The following GABBR2 variants were observed in gnomAD, a reference collection of about 807,000 sequenced individuals.
GABBR2 encodes gamma-aminobutyric acid type B receptor subunit 2.
GABBR2 carries 23 observed loss-of-function variants against 105.6 expected under a neutral mutation model. That is an observed-to-expected ratio of 0.22 (90% CI 0.16 to 0.31). The LOEUF (loss-of-function observed/expected upper bound fraction) is 0.31. GABBR2 is among the 10% of genes least tolerant of loss of function. GABBR2 has a pLI of 1.00. For missense variants in GABBR2, 734 were observed against 1,245.5 expected (o/e 0.59, Z 6.18); for synonymous variants, 478 against 499.7 (o/e 0.96, Z 0.58).
intron 3 of GABBR2, among the ~76,000 whole-genome samples, chr9:98,536,770 C>T (rs1828189945): frequency 6.6e-6 from 1 of 152,156 alleles, no homozygotes; most frequent in Non-Finnish European, 1.5e-5. Context: ...TCAATGTGCA[C>T]ACGGGTTACC....
intron 1 of GABBR2, among the ~76,000 whole-genome samples, chr9:98,641,551 A>G (rs1829962615): frequency 6.6e-6 from 1 of 152,140 alleles, no homozygotes; most frequent in Non-Finnish European, 1.5e-5. Flanking sequence ...TTTAGGACCT[A>G]AGTTATCCAA....
chr9:98,349,344 GTTTTGTTTTTTTTTT>G (rs1334399859), intron 13 of GABBR2, among the ~76,000 whole-genome samples: 7,738 of 105,394 alleles, frequency 0.073, 744 homozygotes, highest in Middle Eastern at 0.12. Context: ...TTTTGTTGAA[GTTTTGTTTTTTTTTT>G]TTTTTTTTTT....
chr9:98,498,655 T>C (rs1827334940), intron 3 of GABBR2, among the ~76,000 whole-genome samples: 1 of 152,232 alleles, frequency 6.6e-6, no homozygotes, highest in Non-Finnish European at 1.5e-5. Flanking sequence ...ATGCTTGAAA[T>C]GCCTTGTGAT....
At chr9:98,660,762 T>C (rs1588272897) in intron 1 of GABBR2, among the ~76,000 whole-genome samples, 1 of 152,226 alleles carries the variant, frequency 6.6e-6, no homozygotes, top group African/African-American at 2.4e-5. Flanking sequence ...TTTTGACTCA[T>C]GGCCCCTTTC....
At chr9:98,558,049 T>C (rs1434375602) in intron 2 of GABBR2, among the ~76,000 whole-genome samples, 2 of 152,130 alleles carry the variant, frequency 1.3e-5, no homozygotes, top group Non-Finnish European at 2.9e-5. Flanking sequence ...GAGTTAGACT[T>C]TTATCTGGGC....
In GABBR2 at chr9:98,388,670, C is replaced by A. The variant is rs539463021; in HGVS notation, c.1529+184G>T. Among the ~76,000 whole-genome samples the A allele has an allele frequency of 2.7e-4, 40 of 149,108 alleles. No individual in the cohort carries two copies. The highest frequency in any genetic ancestry group is 1.0e-3 in the African/African-American group (40 of 38,886). ...GTGTGTGTGTGTGTGTGCGTGCACG[C>A]ACACACACGTACTCACATGCATGTA... On this transcript the variant is annotated intron_variant, in intron 10 of 18. Transcript: ENST00000259455. This position sits in a 1 kb window ranked among gnomAD's most constrained non-coding sequence, Gnocchi z 4.4.
At chr9:98,399,467 TC>T (rs1229050803) in intron 8 of GABBR2, among the ~76,000 whole-genome samples, 1 of 151,972 alleles carries the variant, frequency 6.6e-6, no homozygotes, top group Non-Finnish European at 1.5e-5. Flanking sequence ...GCCTGTGCCA[TC>T]ACTTATCACG....
intron 7 of GABBR2, among the ~76,000 whole-genome samples, chr9:98,420,037 A>T (rs1322865417): frequency 6.6e-6 from 1 of 152,012 alleles, no homozygotes; most frequent in African/African-American, 2.4e-5. Flanking sequence ...GTCAGACAGG[A>T]GGCTCTCCAA....
chr9:98,466,387 GT>G (rs1046270417), intron 6 of GABBR2, among the ~76,000 whole-genome samples: 2 of 152,144 alleles, frequency 1.3e-5, no homozygotes, highest in Non-Finnish European at 2.9e-5. Flanking sequence ...GCTACAAATA[GT>G]TTTTTTCTTG....
intron 7 of GABBR2, among the ~76,000 whole-genome samples, chr9:98,425,717 G>T (rs1322049358): frequency 6.6e-6 from 1 of 152,158 alleles, no homozygotes; most frequent in Non-Finnish European, 1.5e-5. Flanking sequence ...GAGTCACAAG[G>T]TCACAGCTAT....
At chr9:98,637,008 C>T (rs1027573798) in intron 1 of GABBR2, among the ~76,000 whole-genome samples, 6 of 152,272 alleles carry the variant, frequency 3.9e-5, no homozygotes, top group South Asian at 4.1e-4. Flanking sequence ...TTAGCTCACC[C>T]GGCCTCTTCT....
chr9:98,539,091 C>T (rs1359365960), intron 3 of GABBR2, among the ~76,000 whole-genome samples: 1 of 152,208 alleles, frequency 6.6e-6, no homozygotes, highest in Non-Finnish European at 1.5e-5. Context: ...CCAGTGAGGA[C>T]CATGTAGCGA....
At chr9:98,476,318 G>A (rs1227215994) in intron 5 of GABBR2, among the ~76,000 whole-genome samples, 1 of 152,198 alleles carries the variant, frequency 6.6e-6, no homozygotes, top group Admixed American at 6.5e-5. Flanking sequence ...CCATTTGAAT[G>A]ATAATACATT....
intron 6 of GABBR2, among the ~76,000 whole-genome samples, chr9:98,457,705 G>A (rs1359243315): frequency 6.6e-6 from 1 of 152,162 alleles, no homozygotes; most frequent in African/African-American, 2.4e-5. Flanking sequence ...GTCTTTGGAA[G>A]CACCAGGTTA....
chr9:98,662,242 C>T (rs753001234), intron 1 of GABBR2, among the ~76,000 whole-genome samples: 53 of 152,094 alleles, frequency 3.5e-4, no homozygotes, highest in Non-Finnish European at 7.4e-4. Flanking sequence ...ACACTCATAG[C>T]CTGTGGCATG....
At chr9:98,434,185 C>T (rs1247836103) in intron 7 of GABBR2, among the ~76,000 whole-genome samples, 3 of 152,142 alleles carry the variant, frequency 2.0e-5, no homozygotes, top group Admixed American at 2.0e-4. Flanking sequence ...TACTTCCTGC[C>T]CTTGAACATT....
At chr9:98,384,281 A>G (rs139958709) in intron 11 of GABBR2, among the ~76,000 whole-genome samples, 34 of 152,360 alleles carry the variant, frequency 2.2e-4, no homozygotes, top group African/African-American at 6.7e-4. Flanking sequence ...GATATTTTCA[A>G]CTGAGAGTTA....
At chr9:98,493,265 C>T (rs1235452434) in intron 4 of GABBR2, among the ~76,000 whole-genome samples, 1 of 152,144 alleles carries the variant, frequency 6.6e-6, no homozygotes, top group Non-Finnish European at 1.5e-5. Context: ...ACAAAATACT[C>T]CAGAATCATC....
chr9:98,320,238 C>T (rs1830795481), intron 13 of GABBR2, among the ~76,000 whole-genome samples: 1 of 151,868 alleles, frequency 6.6e-6, no homozygotes, highest in Non-Finnish European at 1.5e-5. Context: ...TGCTCACCAT[C>T]ACTGGCCATC....
Sources: allele counts gnomAD v4.1 joint callset (sites outside exome capture counted in the v4.1 genomes callset), GRCh38; gene constraint gnomAD v4.1.1; non-coding constraint Gnocchi (gnomAD v3.1); transcripts MANE v1.5; gene names NCBI Gene and HGNC (gene_info 2026-07-23, HGNC 2026-07-21).